The following PLD5 variants were observed in gnomAD, a reference collection of about 807,000 sequenced individuals.
The protein encoded by PLD5 is inactive phospholipase D5.
A neutral mutation model predicts 61.1 loss-of-function variants in PLD5; 36 were observed. The ratio of observed to expected loss-of-function variants is 0.59; its 90% CI spans 0.45 to 0.78. The LOEUF is 0.78. PLD5 is among the 30% of genes least tolerant of loss of function. The pLI is 0.00. For synonymous variants in PLD5, 243 were observed against 242.8 expected, an observed-to-expected ratio of 1.00 and a Z score of -0.01; for missense variants, 515 against 644.4, an observed-to-expected ratio of 0.80 and a Z score of 2.17.
chr1:242,460,490 T>G (rs1667084425), intron 1 of PLD5, among the ~76,000 whole-genome samples: 1 of 152,292 alleles, frequency 6.6e-6, no homozygotes, highest in South Asian at 2.1e-4. Context: ...TAATTTCTTA[T>G]AGTCCCATGT....
chr1:242,171,967 G>T (rs567787894), intron 5 of PLD5, among the ~76,000 whole-genome samples: 1 of 152,310 alleles, frequency 6.6e-6, no homozygotes, highest in African/African-American at 2.4e-5. Flanking sequence ...ACACCCCACT[G>T]TCAATATTAG....
intron 2 of PLD5, among the ~76,000 whole-genome samples, chr1:242,334,804 G>A (rs1659404373): frequency 6.6e-6 from 1 of 152,148 alleles, no homozygotes; most frequent in African/African-American, 2.4e-5. Context: ...TCATGGCCAT[G>A]AACAGTACAG....
At chr1:242,203,791 C>T (rs1022788251) in intron 5 of PLD5, 3 of 152,206 alleles carry the variant, frequency 2.0e-5, no homozygotes, top group African/African-American at 7.2e-5. Context: ...AGTCTTGGGT[C>T]CTTTAAAGCA....
chr1:242,255,398 C>T (rs1244786489), intron 4 of PLD5, among the ~76,000 whole-genome samples: 6 of 152,146 alleles, frequency 3.9e-5, no homozygotes, highest in Non-Finnish European at 8.8e-5. Flanking sequence ...ATAAGCTATC[C>T]TCCACTGATT....
chr1:242,175,360 C>T (rs759764186), intron 5 of PLD5, among the ~76,000 whole-genome samples: 1 of 152,160 alleles, frequency 6.6e-6, no homozygotes, highest in Non-Finnish European at 1.5e-5. Context: ...TCACGATTAT[C>T]TCAATAGATG....
chr1:242,422,835 C>A (rs557649884), intron 1 of PLD5, among the ~76,000 whole-genome samples: 1 of 135,794 alleles, frequency 7.4e-6, no homozygotes, highest in East Asian at 2.2e-4. Context: ...GCAGATAAAC[C>A]GTATTTCTCT....
chr1:242,426,873 T>G (rs1178389795), intron 1 of PLD5, among the ~76,000 whole-genome samples: 1 of 152,198 alleles, frequency 6.6e-6, no homozygotes, highest in Non-Finnish European at 1.5e-5. Flanking sequence ...CAATGGCATG[T>G]GAGCAGAAGT....
intron 1 of PLD5, among the ~76,000 whole-genome samples, chr1:242,389,942 C>T (rs1433098440): frequency 6.6e-6 from 1 of 151,952 alleles, no homozygotes; most frequent in African/African-American, 2.4e-5. Context: ...AATTCTTAGA[C>T]TCCACTATTT....
chr1:242,423,915 T>C (rs1453422690), intron 1 of PLD5, among the ~76,000 whole-genome samples: 2 of 152,216 alleles, frequency 1.3e-5, no homozygotes, highest in East Asian at 1.9e-4. Flanking sequence ...ACTGCCATCA[T>C]TGTCTGATAC....
chr1:242,339,259 G>C (rs890065014), intron 2 of PLD5, among the ~76,000 whole-genome samples: 1 of 152,176 alleles, frequency 6.6e-6, no homozygotes, highest in African/African-American at 2.4e-5. Context: ...ATGGGGCACA[G>C]AGAGAGACAG....
intron 2 of PLD5, among the ~76,000 whole-genome samples, chr1:242,310,148 G>T (rs3001697): frequency 1.3e-5 from 2 of 152,088 alleles, no homozygotes; most frequent in Non-Finnish European, 2.9e-5. Context: ...AGCAGCAATT[G>T]TACAAGATGC....
intron 5 of PLD5, among the ~76,000 whole-genome samples, chr1:242,137,387 C>T (rs538301515): frequency 6.6e-6 from 1 of 152,310 alleles, no homozygotes; most frequent in East Asian, 1.9e-4. Flanking sequence ...ATAAATCTGC[C>T]TTTCTTTACC....
chr1:242,397,523 A>C lies in PLD5; in HGVS notation c.190-49281T>G, dbSNP rs552245643. 3.3e-3 allele frequency among the ~76,000 whole-genome samples: 509 copies of C among 152,096 alleles called. 4 individuals carry two copies. The highest frequency in any genetic ancestry group is 0.012 in the African/African-American group (480 of 41,498). On this transcript the variant is annotated intron_variant, in intron 1 of 9. Coordinates refer to ENST00000536534, the MANE Select transcript of PLD5 (RefSeq NM_001372062.1). ...ACCTGTTGATAGATTAAAAAAACTA[A>C]GAACAGCAATCTCCATAAGGCTCAA...
chr1:242,198,104 A>G (rs200158951), intron 5 of PLD5, among the ~76,000 whole-genome samples: 20 of 111,690 alleles, frequency 1.8e-4, no homozygotes, highest in Admixed American at 1.2e-3. Context: ...ATGAATGAAT[A>G]AATGAACCAA....
chr1:242,233,746 A>G (rs942044452), intron 4 of PLD5, among the ~76,000 whole-genome samples: 8 of 152,180 alleles, frequency 5.3e-5, no homozygotes, highest in African/African-American at 1.9e-4. Flanking sequence ...AAGACTGACT[A>G]AGTGAATGAG....
chr1:242,439,679 G>A (rs1260026086), intron 1 of PLD5, among the ~76,000 whole-genome samples: 4 of 152,162 alleles, frequency 2.6e-5, no homozygotes, highest in Non-Finnish European at 4.4e-5. Flanking sequence ...CCAATTTTCC[G>A]TGAAGCACAC....
At chr1:242,413,625 A>G (rs933721180) in intron 1 of PLD5, among the ~76,000 whole-genome samples, 3 of 152,190 alleles carry the variant, frequency 2.0e-5, no homozygotes, top group African/African-American at 7.2e-5. Context: ...TAAGTTTAAT[A>G]CAATGTGAGT....
At chr1:242,213,780 G>A (rs1231428880) in intron 5 of PLD5, among the ~76,000 whole-genome samples, 1 of 150,120 alleles carries the variant, frequency 6.7e-6, no homozygotes, top group Non-Finnish European at 1.5e-5. Context: ...ATTCCATCCA[G>A]TTATTTATTT....
intron 5 of PLD5, among the ~76,000 whole-genome samples, chr1:242,145,169 C>T (rs547356681): frequency 3.3e-5 from 5 of 152,258 alleles, no homozygotes; most frequent in South Asian, 4.2e-4. Flanking sequence ...CACCCTCAGC[C>T]GCTATGCTCT....
Sources: allele counts gnomAD v4.1 joint callset (sites outside exome capture counted in the v4.1 genomes callset), GRCh38; gene constraint gnomAD v4.1.1; transcripts MANE v1.5; gene names NCBI Gene and HGNC (gene_info 2026-07-23, HGNC 2026-07-21).